The following TMEM117 variants were observed in gnomAD, a reference collection of about 807,000 sequenced individuals.
The protein encoded by TMEM117 is transmembrane protein 117.
Under a neutral mutation model 52.4 loss-of-function variants are expected in TMEM117, and 27 were observed. The observed-to-expected ratio is 0.51, with a 90% CI of 0.38 to 0.71. The LOEUF (loss-of-function observed/expected upper bound fraction) is 0.71. Ranked by LOEUF, TMEM117 falls within the 30% of genes least tolerant of loss-of-function variation. TMEM117 has a pLI of 0.00. For missense variants in TMEM117, 556 were observed against 630.5 expected, an observed-to-expected ratio of 0.88 and a Z score of 1.26; for synonymous variants, 215 against 206.3, an observed-to-expected ratio of 1.04 and a Z score of -0.36.
intron 3 of TMEM117, chr12:44,010,138 CATT>C (rs1946266360): frequency 1.2e-5 from 6 of 512,810 alleles, no homozygotes; most frequent in Non-Finnish European, 2.3e-5. Context: ...GCTCTCTCAT[CATT>C]GTTTGCTCTA....
chr12:44,049,493 A>G (rs1429131501), intron 3 of TMEM117, among the ~76,000 whole-genome samples: 1 of 151,686 alleles, frequency 6.6e-6, no homozygotes, highest in African/African-American at 2.4e-5. Context: ...AGGTATACCT[A>G]TGTAACAAAC....
intron 6 of TMEM117, among the ~76,000 whole-genome samples, chr12:44,371,604 G>A (rs1045291687): frequency 2.6e-5 from 4 of 152,118 alleles, no homozygotes; most frequent in African/African-American, 7.2e-5. Context: ...TCTCTAAATA[G>A]AAGTGAGGTC....
chr12:44,027,132 ATATTTTATTTTATTT>A (rs781312092), intron 3 of TMEM117, among the ~76,000 whole-genome samples: 3,787 of 103,996 alleles, frequency 0.036, 89 homozygotes, highest in South Asian at 0.058. Flanking sequence ...ATTTTATTTT[ATATTTTATTTTATTT>A]TATTTTATTT....
intron 3 of TMEM117, among the ~76,000 whole-genome samples, chr12:44,015,666 G>C (rs924610629): frequency 1.3e-5 from 2 of 152,078 alleles, no homozygotes; most frequent in African/African-American, 4.8e-5. Flanking sequence ...TAACTCTTCG[G>C]AATTCAGGAT....
intron 3 of TMEM117, among the ~76,000 whole-genome samples, chr12:44,049,870 C>G (rs1355995804): frequency 6.6e-6 from 1 of 152,182 alleles, no homozygotes; most frequent in Non-Finnish European, 1.5e-5. Flanking sequence ...ACTTTAGATT[C>G]TACCACTTTG....
At chr12:44,026,617 A>G (rs1946536928) in intron 3 of TMEM117, among the ~76,000 whole-genome samples, 1 of 152,108 alleles carries the variant, frequency 6.6e-6, no homozygotes, top group Non-Finnish European at 1.5e-5. Flanking sequence ...TCTTTCTGTT[A>G]TACTTATGAG....
the TMEM117 span, among the ~76,000 whole-genome samples, chr12:43,806,566 G>A: frequency 6.6e-6 from 1 of 152,086 alleles, no homozygotes. Context: ...GTGCTCCGAC[G>A]TCTGCTCTCT....
intron 6 of TMEM117, among the ~76,000 whole-genome samples, chr12:44,324,548 A>T (rs923654139): frequency 2.6e-5 from 4 of 152,108 alleles, no homozygotes; most frequent in African/African-American, 9.7e-5. Context: ...TAACAAAAAC[A>T]TTACAGGTTC....
intron 4 of TMEM117, among the ~76,000 whole-genome samples, chr12:44,152,485 AT>A (rs1174941156): frequency 1.7e-5 from 2 of 116,046 alleles, no homozygotes; most frequent in African/African-American, 7.0e-5. Context: ...TCATATATAA[AT>A]TTTTATATAT....
In TMEM117 at chr12:44,180,756, T is replaced by G. The variant is rs558794707; in HGVS notation, c.511-30534T>G. The stretch of plus-strand genomic sequence containing the variant: ...TTTTCTTAATCCAGTCTATCATTGT[T>G]GGACATTTGGGTTGGTTCCAAGTCT... On this transcript the variant is annotated intron_variant, in intron 4 of 7. Transcript: ENST00000266534. 2.0e-4 allele frequency among the ~76,000 whole-genome samples: 30 copies of G among 152,302 alleles called. No individual in the cohort carries two copies. The South Asian group carries it at 6.0e-3, about 31-fold the overall frequency.
At position 44,271,129 on chromosome 12, in the gene TMEM117, GT is replaced by G. The variant is rs200256373; in HGVS notation, c.609-28444del. The stretch of plus-strand genomic sequence containing the variant: ...ATCAGGGATATTGGTCTGTAGTTTT[GT>G]TTTTTTGTTATGTCCTTTCCTGGTT... On this transcript the variant is annotated intron_variant, in intron 5 of 7. Transcript: ENST00000266534. 7.6e-3 allele frequency among the ~76,000 whole-genome samples: 1,156 copies of G among 151,730 alleles called. 20 individuals are homozygous for G. The highest frequency in any genetic ancestry group is 0.027 in the African/African-American group (1,102 of 41,426).
chr12:44,035,167 T>A (rs1946690972), intron 3 of TMEM117, among the ~76,000 whole-genome samples: 1 of 152,198 alleles, frequency 6.6e-6, no homozygotes, highest in East Asian at 1.9e-4. Context: ...TCCACTATAA[T>A]AAATCTCCGT....
At chr12:44,183,989 C>G (rs545013906) in intron 4 of TMEM117, among the ~76,000 whole-genome samples, 35 of 152,276 alleles carry the variant, frequency 2.3e-4, no homozygotes, top group Middle Eastern at 3.4e-3. Flanking sequence ...AAACACCAAT[C>G]TAGATACTGC....
At chr12:44,115,322 G>C (rs568745767) in intron 3 of TMEM117, among the ~76,000 whole-genome samples, 3 of 152,264 alleles carry the variant, frequency 2.0e-5, no homozygotes, top group African/African-American at 7.2e-5. Context: ...GTGGGGAGAA[G>C]GGGGAGGGAT....
chr12:44,331,047 A>G lies in TMEM117; in HGVS notation c.768+31308A>G, dbSNP rs139958866. 5.0e-3 allele frequency among the ~76,000 whole-genome samples: 765 copies of G among 152,148 alleles called. 22 individuals are homozygous for G. In the East Asian group the frequency reaches 0.063, roughly 13 times the overall value. On this transcript the variant is annotated intron_variant, in intron 6 of 7. Transcript: ENST00000266534. Reference sequence around the variant, plus strand: ...ATTATTTGATTTCCCAGGAATCAATATGTAAACAAAGTGTAGAATCACAAC... The same window carrying G: ...ATTATTTGATTTCCCAGGAATCAATGTGTAAACAAAGTGTAGAATCACAAC...
chr12:44,298,744 G>A (rs1203426671), intron 5 of TMEM117, among the ~76,000 whole-genome samples: 3 of 150,878 alleles, frequency 2.0e-5, no homozygotes, highest in Non-Finnish European at 4.4e-5. Context: ...ATGGAGAGAG[G>A]TCACTAGACC....
At position 44,284,658 on chromosome 12, in the gene TMEM117, G is replaced by T. The variant is rs182515233; in HGVS notation, c.609-14922G>T. 1.9e-3 allele frequency among the ~76,000 whole-genome samples: 295 copies of T among 152,268 alleles called. 3 individuals are homozygous for T. Among genetic ancestry groups the T allele is most frequent in the African/African-American group, 6.4e-3 (267 of 41,550 alleles). ...TTATTTGCAGTAGCATCTCAGCTTG[G>T]TGGATGATAAAGGATGAACATTTTC... On this transcript the variant is annotated intron_variant, in intron 5 of 7. Transcript: ENST00000266534.
intron 5 of TMEM117, among the ~76,000 whole-genome samples, chr12:44,211,648 A>C (rs1408951547): frequency 1.3e-5 from 2 of 152,214 alleles, no homozygotes; most frequent in African/African-American, 4.8e-5. Context: ...TTCTTGACTC[A>C]GCAAAAACAA....
At chr12:44,238,484 G>A (rs1950024868) in intron 5 of TMEM117, among the ~76,000 whole-genome samples, 1 of 151,978 alleles carries the variant, frequency 6.6e-6, no homozygotes, top group Non-Finnish European at 1.5e-5. Flanking sequence ...CAACCTACCT[G>A]GGCACAGTGA....
Sources: allele counts gnomAD v4.1 joint callset (sites outside exome capture counted in the v4.1 genomes callset), GRCh38; gene constraint gnomAD v4.1.1; transcripts MANE v1.5; gene names NCBI Gene and HGNC (gene_info 2026-07-23, HGNC 2026-07-21).